The following HS6ST3 variants were observed in gnomAD, a reference collection of about 807,000 sequenced individuals.
The protein encoded by HS6ST3 is heparan-sulfate 6-O-sulfotransferase 3.
In HS6ST3, 12 loss-of-function variants were observed where a neutral mutation model predicts 36.7. The ratio of observed to expected loss-of-function variants is 0.33; its 90% CI spans 0.21 to 0.53. The LOEUF is 0.53. Among genes scored for constraint, HS6ST3 ranks in the 20% least tolerant of loss-of-function variants. The pLI is 0.95. For missense variants in HS6ST3, 584 were observed against 640.9 expected (o/e 0.91, Z 0.96); for synonymous variants, 240 against 257.5 (o/e 0.93, Z 0.65).
chr13:96,669,945 G>A (rs1305483796), intron 1 of HS6ST3, among the ~76,000 whole-genome samples: 1 of 152,080 alleles, frequency 6.6e-6, no homozygotes, highest in Non-Finnish European at 1.5e-5. Context: ...GAGACAAATA[G>A]GGGCTAGAAA....
chr13:96,466,585 T>C (rs2055815192), intron 1 of HS6ST3, among the ~76,000 whole-genome samples: 1 of 152,202 alleles, frequency 6.6e-6, no homozygotes, highest in African/African-American at 2.4e-5. Context: ...GGCTCATTCA[T>C]GTAGTCACAA....
chr13:96,491,911 G>T (rs1276844132), intron 1 of HS6ST3, among the ~76,000 whole-genome samples: 1 of 152,088 alleles, frequency 6.6e-6, no homozygotes, highest in Admixed American at 6.6e-5. Context: ...AGAATGAATG[G>T]AGATAGATCT....
intron 1 of HS6ST3, among the ~76,000 whole-genome samples, chr13:96,652,113 C>G (rs1254792035): frequency 6.6e-6 from 1 of 151,886 alleles, no homozygotes; most frequent in East Asian, 1.9e-4. Context: ...TATGTATACA[C>G]ACATCTGTGT....
chr13:96,264,949 C>A (rs2054684315), intron 1 of HS6ST3, among the ~76,000 whole-genome samples: 1 of 152,092 alleles, frequency 6.6e-6, no homozygotes, highest in African/African-American at 2.4e-5. Flanking sequence ...TAGCTAATAA[C>A]CCCTGTGTAT....
rs71681344 is a variant in HS6ST3, at chr13:96,260,229, C to CCCTTCCTTCCTT, written c.707+168689_707+168700dup. On this transcript the variant is annotated intron_variant, in intron 1 of 1. Coordinates refer to ENST00000376705, the MANE Select transcript of HS6ST3 (RefSeq NM_153456.4). ...TTTTTGCTGGGTGCATTTATTTTTT[C>CCCTTCCTTCCTT]CCTTCCTTCCTTCCTTCCTTCCTTC... is the stretch of plus-strand genomic sequence containing the variant. Among the ~76,000 whole-genome samples the CCCTTCCTTCCTT allele has an allele frequency of 9.0e-3, 1,289 of 143,494 alleles. 15 individuals carry two copies. Among genetic ancestry groups the CCCTTCCTTCCTT allele is most frequent in the Non-Finnish European group, 0.013 (852 of 66,498 alleles). The allele number at this position is 143,494 out of a possible 152,430, so 94.1% of individuals were successfully genotyped here.
At chr13:96,147,777 AAATG>A (rs373348066) in intron 1 of HS6ST3, among the ~76,000 whole-genome samples, 323 of 152,264 alleles carry the variant, frequency 2.1e-3, no homozygotes, top group African/African-American at 3.8e-3. Context: ...ACAATTTGGA[AAATG>A]AATGAATGAA....
intron 1 of HS6ST3, among the ~76,000 whole-genome samples, chr13:96,607,989 A>G (rs1292289187): frequency 6.6e-6 from 1 of 152,224 alleles, no homozygotes; most frequent in East Asian, 1.9e-4. Flanking sequence ...GTAGCTATCA[A>G]GGAAGCTTTC....
intron 1 of HS6ST3, among the ~76,000 whole-genome samples, chr13:96,186,177 C>T (rs1393772385): frequency 6.6e-6 from 1 of 152,038 alleles, no homozygotes; most frequent in Admixed American, 6.6e-5. Flanking sequence ...CATCACCATT[C>T]GTATATGCAT....
chr13:96,112,355 T>C (rs1488214994), intron 1 of HS6ST3, among the ~76,000 whole-genome samples: 2 of 151,786 alleles, frequency 1.3e-5, no homozygotes, highest in Non-Finnish European at 2.9e-5. Flanking sequence ...CATATTTATG[T>C]TCCTTGGAAA....
intron 1 of HS6ST3, among the ~76,000 whole-genome samples, chr13:96,356,631 G>A (rs1308905418): frequency 6.6e-6 from 1 of 152,142 alleles, no homozygotes; most frequent in Non-Finnish European, 1.5e-5. Context: ...TAAACCATCT[G>A]TAAACAGATT....
In HS6ST3 at chr13:96,553,256, T is replaced by C. The variant is rs534627168; in HGVS notation, c.708-279234T>C. Among the ~76,000 whole-genome samples, 26 of 152,310 alleles carry C rather than the reference T, an allele frequency of 1.7e-4. No individual in the cohort carries two copies. In the South Asian group the frequency reaches 5.4e-3, roughly 32 times the overall value. On this transcript the variant is annotated intron_variant, in intron 1 of 1. Transcript: ENST00000376705. ...CCATTGCTCAATATTCAGCATATGCTTACTGAGCACCTATTATGTACAAAG... is the reference window on the plus strand; with the variant it reads ...CCATTGCTCAATATTCAGCATATGCCTACTGAGCACCTATTATGTACAAAG...
intron 1 of HS6ST3, among the ~76,000 whole-genome samples, chr13:96,383,967 A>C (rs2055354846): frequency 6.6e-6 from 1 of 152,160 alleles, no homozygotes; most frequent in Non-Finnish European, 1.5e-5. Context: ...ACACTAAAGG[A>C]AATGGCAGAT....
chr13:96,400,309 A>ACACACG (rs2055444372), intron 1 of HS6ST3, among the ~76,000 whole-genome samples: 3 of 57,696 alleles, frequency 5.2e-5, no homozygotes, highest in Admixed American at 3.2e-4. Context: ...ACACACAGAT[A>ACACACG]CACACACACA....
At chr13:96,423,875 G>A (rs1240464640) in intron 1 of HS6ST3, among the ~76,000 whole-genome samples, 1 of 152,184 alleles carries the variant, frequency 6.6e-6, no homozygotes, top group East Asian at 1.9e-4. Flanking sequence ...CTAGGTGACT[G>A]CATAGCACGA....
chr13:96,104,336 A>G (rs1276283075), intron 1 of HS6ST3, among the ~76,000 whole-genome samples: 2 of 152,232 alleles, frequency 1.3e-5, no homozygotes, highest in East Asian at 3.8e-4. Context: ...GATCAACTCC[A>G]GGATATGACA....
chr13:96,676,247 G>A (rs533571473), intron 1 of HS6ST3, among the ~76,000 whole-genome samples: 12 of 151,926 alleles, frequency 7.9e-5, no homozygotes, highest in African/African-American at 2.9e-4. Context: ...GATGGCCATC[G>A]TTCCCTATAT....
At chr13:96,641,746 A>G (rs2056571005) in intron 1 of HS6ST3, among the ~76,000 whole-genome samples, 1 of 151,850 alleles carries the variant, frequency 6.6e-6, no homozygotes, top group South Asian at 2.1e-4. Context: ...GATTTATATC[A>G]ACATAGTTTC....
chr13:96,825,745 C>G (rs1335586172), intron 1 of HS6ST3, among the ~76,000 whole-genome samples: 1 of 152,214 alleles, frequency 6.6e-6, no homozygotes, highest in Admixed American at 6.5e-5. Context: ...CTATGCCCTC[C>G]TTCCATTCAT....
At chr13:96,753,867 T>G (rs1326450046) in intron 1 of HS6ST3, among the ~76,000 whole-genome samples, 1 of 152,188 alleles carries the variant, frequency 6.6e-6, no homozygotes, top group Non-Finnish European at 1.5e-5. Context: ...TTGCCCATGC[T>G]GGAGTGCAGT....
Sources: allele counts gnomAD v4.1 joint callset (sites outside exome capture counted in the v4.1 genomes callset), GRCh38; gene constraint gnomAD v4.1.1; transcripts MANE v1.5; gene names NCBI Gene and HGNC (gene_info 2026-07-23, HGNC 2026-07-21).